Variants in CPS1 observed in about 807,000 individuals in gnomAD.
The protein encoded by CPS1 is carbamoyl-phosphate synthase 1, also known as carbamoyl-phosphate synthase [ammonia], mitochondrial.
A neutral mutation model predicts 174.6 loss-of-function variants in CPS1; 109 were observed. The observed-to-expected ratio is 0.62, with a 90% CI of 0.53 to 0.73. CPS1 has a LOEUF of 0.73. CPS1 is among the 30% of genes least tolerant of loss of function. The probability of loss-of-function intolerance (pLI) is 0.00; values close to 1 mark genes in which losing one functional copy is unlikely to be tolerated. For missense variants in CPS1, 1,689 were observed against 1,821.9 expected (o/e 0.93, Z 1.33); for synonymous variants, 637 against 632.0 (o/e 1.01, Z -0.12).
At chr2:210,630,808 G>T (rs1699841862) in intron 21 of CPS1, among the ~76,000 whole-genome samples, 1 of 152,132 alleles carries the variant, frequency 6.6e-6, no homozygotes, top group African/African-American at 2.4e-5. Context: ...GAAGAGAGGT[G>T]ACAAATAATT....
upstream of CPS1, chr2:210,556,232 C>A (rs1010128054): frequency 1.8e-5 from 7 of 393,688 alleles, no homozygotes; most frequent in Admixed American, 5.7e-5. Flanking sequence ...GTCTTTTTAC[C>A]CCAACAGAAA....
chr2:210,602,547 A>C (rs1270040580), intron 16 of CPS1, among the ~76,000 whole-genome samples: 2 of 151,988 alleles, frequency 1.3e-5, no homozygotes, highest in Admixed American at 6.6e-5. Flanking sequence ...GGTTCAAGGT[A>C]AACCAGTGGT....
At chr2:210,668,663 CTG>C (rs1293626331) in intron 34 of CPS1, among the ~76,000 whole-genome samples, 1 of 152,140 alleles carries the variant, frequency 6.6e-6, no homozygotes. Context: ...CTCACTTCCT[CTG>C]TTTCTCTTGA....
chr2:210,480,536 T>C (rs977034127), intron 1 of CPS1, among the ~76,000 whole-genome samples: 1 of 152,192 alleles, frequency 6.6e-6, no homozygotes, highest in Non-Finnish European at 1.5e-5. Context: ...ATGCCTTCTC[T>C]GTTTCTTCCT....
At chr2:210,525,022 C>A (rs990462381) in intron 1 of CPS1, among the ~76,000 whole-genome samples, 1 of 151,850 alleles carries the variant, frequency 6.6e-6, no homozygotes, top group African/African-American at 2.4e-5. Flanking sequence ...GAAATTAAAT[C>A]TAATTTTTAT....
chr2:210,647,568 A>C (rs1574638011), intron 25 of CPS1, among the ~76,000 whole-genome samples: 1 of 152,236 alleles, frequency 6.6e-6, no homozygotes, highest in African/African-American at 2.4e-5. Context: ...TGATTATAGC[A>C]TAGAGTACAT....
intron 1 of CPS1, among the ~76,000 whole-genome samples, chr2:210,565,897 A>G (rs1156949483): frequency 6.6e-6 from 1 of 152,156 alleles, no homozygotes; most frequent in African/African-American, 2.4e-5. Context: ...TGCTGAGATG[A>G]TGTTTGGGGA....
At position 210,660,493 on chromosome 2, in the gene CPS1, G is replaced by A. The variant is rs779993348; in HGVS notation, c.3765G>A (p.Glu1255=). ...LVKGNDVLVI[E]CNLRASRSFP... is the part of the protein sequence containing the mutation. ...GAATTTTATCTCTTCAGGTGATTGA[G>A]TGTAACTTGAGAGCTTCTCGATCCT... The change falls in exon 32 of 38, where the codon GAG becomes GAA. Residue 1255 remains glutamate, a synonymous_variant. Coordinates refer to ENST00000233072, the MANE Select transcript of CPS1 (RefSeq NM_001875.5). The A allele has an allele frequency of 4.3e-6, 7 of 1,614,102 alleles. No individual in the cohort carries two copies. The highest frequency in any genetic ancestry group is 5.9e-6 in the Non-Finnish European group (7 of 1,179,972).
intron 1 of CPS1, among the ~76,000 whole-genome samples, chr2:210,515,770 G>C (rs889711829): frequency 7.3e-5 from 11 of 151,488 alleles, no homozygotes; most frequent in African/African-American, 2.7e-4. Context: ...CCTTTTTCTA[G>C]TTCCTGTAGG....
intron 5 of CPS1, 36 bp downstream of exon 5, chr2:210,579,806 T>C: frequency 6.5e-7 from 1 of 1,533,656 alleles, no homozygotes; most frequent in Non-Finnish European, 9.0e-7. Context: ...CTATGTTTCT[T>C]CGGGTGTGTG....
At chr2:210,611,098 T>C (rs1033558984) in intron 19 of CPS1, among the ~76,000 whole-genome samples, 4 of 151,950 alleles carry the variant, frequency 2.6e-5, no homozygotes, top group African/African-American at 7.2e-5. Context: ...CCACTATGAC[T>C]TGCAAATTGC....
intron 9 of CPS1, among the ~76,000 whole-genome samples, chr2:210,591,522 T>G (rs1191828183): frequency 6.6e-6 from 1 of 151,784 alleles, no homozygotes; most frequent in Non-Finnish European, 1.5e-5. Context: ...GTCACTTATA[T>G]TTCTTAGTTT....
At chr2:210,662,000 G>A (rs1393603580) in intron 32 of CPS1, among the ~76,000 whole-genome samples, 1 of 149,782 alleles carries the variant, frequency 6.7e-6, no homozygotes, top group African/African-American at 2.5e-5. Context: ...CTGCCTTCCG[G>A]GTTCAAGCAA....
At chr2:210,674,600 T>G in intron 34 of CPS1, 1 of 398,056 alleles carries the variant, frequency 2.5e-6, no homozygotes, top group South Asian at 3.0e-5. Context: ...AAAGGATCCT[T>G]GTAGAACCGA....
At chr2:210,553,963 G>T (rs1470765490), upstream of CPS1, among the ~76,000 whole-genome samples, 5 of 150,994 alleles carry the variant, frequency 3.3e-5, no homozygotes, top group South Asian at 1.0e-3. Context: ...TATAATTGAT[G>T]GATTTTCCAA....
intron 28 of CPS1, among the ~76,000 whole-genome samples, 184 bp downstream of exon 28, chr2:210,650,622 A>G (rs1457335039): frequency 2.6e-5 from 4 of 152,230 alleles, no homozygotes; most frequent in Non-Finnish European, 5.9e-5. Context: ...TCCTAAAAGA[A>G]TGAGAAACCT....
At chr2:210,673,128 T>G (rs1308925148) in intron 34 of CPS1, 1 of 152,254 alleles carries the variant, frequency 6.6e-6, no homozygotes, top group Non-Finnish European at 1.5e-5. Context: ...ACAAGACATT[T>G]GCTGAAGTAA....
chr2:210,603,275 T>G (rs997544299), intron 16 of CPS1, among the ~76,000 whole-genome samples: 1 of 151,918 alleles, frequency 6.6e-6, no homozygotes, highest in Non-Finnish European at 1.5e-5. Flanking sequence ...TTTACTTACT[T>G]TTTGAACTGA....
chr2:210,515,895 G>T (rs889411388), intron 1 of CPS1, among the ~76,000 whole-genome samples: 1 of 151,684 alleles, frequency 6.6e-6, no homozygotes, highest in African/African-American at 2.4e-5. Context: ...TTGCTATGTT[G>T]TATCTCTGTT....
Sources: gnomAD v4.1 joint callset for allele counts (sites outside exome capture counted in the v4.1 genomes callset) on GRCh38, gnomAD v4.1.1 for gene constraint, MANE v1.5 for transcripts, NCBI Gene and HGNC (gene_info 2026-07-23, HGNC 2026-07-21) for gene names.